PUDP: variants seen among roughly 807,000 people sequenced by gnomAD.
PUDP encodes pseudouridine-5'-phosphatase.
A neutral mutation model predicts 9.4 loss-of-function variants in PUDP; 8 were observed. That is an observed-to-expected ratio of 0.85 (90% CI 0.50 to 1.53). PUDP has a LOEUF of 1.53. Among genes scored for constraint, PUDP ranks in the 40% most tolerant of loss-of-function variants. The probability of loss-of-function intolerance (pLI) is 0.00; values close to 1 mark genes in which losing one functional copy is unlikely to be tolerated. For synonymous variants in PUDP, 99 were observed against 80.7 expected, an observed-to-expected ratio of 1.23 and a Z score of -1.22; for missense variants, 188 against 189.7, an observed-to-expected ratio of 0.99 and a Z score of 0.05.
chrX:6,968,523 C>T (rs755168689), intron 3 of PUDP, among the ~76,000 whole-genome samples: 2 of 111,447 alleles, frequency 1.8e-5, no homozygotes, highest in East Asian at 5.7e-4. Context: ...GGCCGATCGT[C>T]TCTCTGCGGG....
intron 2 of PUDP, among the ~76,000 whole-genome samples, chrX:7,098,140 T>G (rs1351136035): frequency 8.9e-6 from 1 of 112,523 alleles, no homozygotes; most frequent in African/African-American, 3.2e-5. Flanking sequence ...TAACCACACA[T>G]GCTCCAAGGT....
intron 1 of PUDP, among the ~76,000 whole-genome samples, chrX:7,018,738 T>C (rs756383530): frequency 3.6e-5 from 4 of 111,995 alleles, no homozygotes; most frequent in Non-Finnish European, 5.6e-5. Flanking sequence ...AAGGGTGTTG[T>C]ATCTGTCAGA....
chrX:7,076,787 G>C (rs1412701743), intron 3 of PUDP, among the ~76,000 whole-genome samples: 2 of 112,160 alleles, frequency 1.8e-5, no homozygotes, highest in African/African-American at 6.5e-5. Context: ...AGCAACCAAC[G>C]AGCACTCTAT....
chrX:7,125,286 C>T (rs1932456953), intron 1 of PUDP, among the ~76,000 whole-genome samples: 1 of 111,548 alleles, frequency 9.0e-6, no homozygotes, highest in Admixed American at 9.5e-5. Context: ...TATTGATGCA[C>T]CATGATGCTT....
chrX:7,015,699 T>G (rs779547899), intron 1 of PUDP, among the ~76,000 whole-genome samples: 2 of 111,194 alleles, frequency 1.8e-5, no homozygotes, highest in South Asian at 7.8e-4. Flanking sequence ...TCTCAGCCTC[T>G]CAAGTAGGTA....
At chrX:7,108,995 CTT>C (rs1261594873) in intron 1 of PUDP, among the ~76,000 whole-genome samples, 1 of 112,411 alleles carries the variant, frequency 8.9e-6, no homozygotes, top group African/African-American at 3.2e-5. Context: ...AGACAGGACT[CTT>C]AGAAAAGTCT....
intron 3 of PUDP, among the ~76,000 whole-genome samples, chrX:6,775,195 T>C (rs1164165459): frequency 8.9e-6 from 1 of 111,963 alleles, no homozygotes; most frequent in African/African-American, 3.2e-5. Context: ...ATAAATAGAG[T>C]GATACAATAT....
intron 3 of PUDP, among the ~76,000 whole-genome samples, chrX:6,956,294 G>A (rs994524057): frequency 1.8e-5 from 2 of 111,210 alleles, no homozygotes; most frequent in African/African-American, 6.5e-5. Context: ...CAAAGTGCTA[G>A]GATTACAGCA....
chrX:6,795,065 T>TA (rs200336104), intron 3 of PUDP, among the ~76,000 whole-genome samples: 3,028 of 108,168 alleles, frequency 0.028, 60 homozygotes, highest in East Asian at 0.17. Flanking sequence ...TTTTAAACTT[T>TA]AAAAAAAAAC....
chrX:7,096,464 G>A (rs777702075), intron 2 of PUDP, among the ~76,000 whole-genome samples: 1 of 110,609 alleles, frequency 9.0e-6, no homozygotes, highest in East Asian at 2.9e-4. Flanking sequence ...GAGAGTGGGA[G>A]TTAGAAGGGC....
chrX:7,104,278 T>G (rs1370036166), intron 2 of PUDP, among the ~76,000 whole-genome samples: 3 of 111,939 alleles, frequency 2.7e-5, no homozygotes, highest in African/African-American at 9.7e-5. Flanking sequence ...GAGGGCATTA[T>G]GCTAAGTGAA....
At chrX:7,108,845 C>T (rs1931958006) in intron 1 of PUDP, among the ~76,000 whole-genome samples, 1 of 111,755 alleles carries the variant, frequency 8.9e-6, no homozygotes, top group Non-Finnish European at 1.9e-5. Context: ...AGCCTCTGCG[C>T]CTGGCCACAA....
chrX:6,835,225 A>C (rs1253992152), intron 3 of PUDP, among the ~76,000 whole-genome samples: 1 of 111,040 alleles, frequency 9.0e-6, no homozygotes, highest in Non-Finnish European at 1.9e-5. Context: ...GCATAGAAAC[A>C]GTGACCCCAC....
intron 3 of PUDP, among the ~76,000 whole-genome samples, chrX:6,852,791 G>A (rs1602645931): frequency 9.0e-6 from 1 of 111,707 alleles, no homozygotes; most frequent in African/African-American, 3.3e-5. Flanking sequence ...CTCTCATTGT[G>A]AGGTATCACC....
intron 2 of PUDP, among the ~76,000 whole-genome samples, chrX:7,077,819 C>A (rs1200545353): frequency 8.9e-6 from 1 of 112,461 alleles, no homozygotes; most frequent in Non-Finnish European, 1.9e-5. Flanking sequence ...CCGGGGAAGG[C>A]CCTTCAGCAG....
chrX:7,099,882 T>C (rs1037949801), intron 2 of PUDP, among the ~76,000 whole-genome samples: 3 of 111,079 alleles, frequency 2.7e-5, no homozygotes, highest in Non-Finnish European at 5.7e-5. Context: ...GCCCTGGTGA[T>C]TGGCCAAGGC....
chrX:6,777,720 T>C (rs1397377712), intron 3 of PUDP, among the ~76,000 whole-genome samples: 2 of 111,783 alleles, frequency 1.8e-5, no homozygotes, highest in Non-Finnish European at 3.8e-5. Context: ...GAAAAACAAG[T>C]CAACAAGCAA....
chrX:6,747,411 C>T (rs1925013140), intron 3 of PUDP, among the ~76,000 whole-genome samples: 1 of 111,988 alleles, frequency 8.9e-6, no homozygotes, highest in Admixed American at 9.4e-5. Flanking sequence ...AAAATTCTTT[C>T]AATTTGGATA....
rs76101851 is a variant in PUDP at position 6,853,464 on chromosome X, T to A, written c.*247+123669A>T. 7.7e-3 allele frequency among the ~76,000 whole-genome samples: 840 copies of A among 109,700 alleles called. 8 individuals are homozygous for A. The highest frequency in any genetic ancestry group is 0.025 in the African/African-American group (748 of 30,188). Reference sequence around the variant, plus strand: ...CCCCTTTTGTGTGTGTTTTTTTTTTTAATTGGGATTAAGCTCACATAACAT... The same window carrying A: ...CCCCTTTTGTGTGTGTTTTTTTTTTAAATTGGGATTAAGCTCACATAACAT... On this transcript the variant is annotated intron_variant and NMD_transcript_variant, in intron 3 of 3. Coordinates refer to the PUDP transcript ENST00000655425.
Sources: allele counts gnomAD v4.1 joint callset (sites outside exome capture counted in the v4.1 genomes callset), GRCh38; gene constraint gnomAD v4.1.1; transcripts MANE v1.5; gene names NCBI Gene and HGNC (gene_info 2026-07-23, HGNC 2026-07-21).